The following OPCML variants were observed in gnomAD, a reference collection of about 807,000 sequenced individuals.
OPCML encodes opioid-binding protein/cell adhesion molecule.
A neutral mutation model predicts 37.8 loss-of-function variants in OPCML; 13 were observed. That is an observed-to-expected ratio of 0.34 (90% CI 0.22 to 0.55). OPCML has a LOEUF of 0.55. Among genes scored for constraint, OPCML ranks in the 20% least tolerant of loss-of-function variants. OPCML has a pLI of 0.91. For synonymous variants in OPCML, 176 were observed against 168.8 expected, an observed-to-expected ratio of 1.04 and a Z score of -0.33; for missense variants, 341 against 435.6, an observed-to-expected ratio of 0.78 and a Z score of 1.93.
At chr11:132,977,469 C>T (rs1055316312) in intron 1 of OPCML, among the ~76,000 whole-genome samples, 10 of 152,234 alleles carry the variant, frequency 6.6e-5, no homozygotes, top group Admixed American at 2.0e-4. Flanking sequence ...CTACTCATAT[C>T]GCAGTCACAA....
intron 1 of OPCML, among the ~76,000 whole-genome samples, chr11:133,049,669 A>T (rs559313163): frequency 2.0e-5 from 3 of 152,338 alleles, no homozygotes; most frequent in Admixed American, 6.5e-5. Context: ...AGTGTGATAA[A>T]TATGGGCAGT....
At chr11:133,005,835 CTT>C in intron 1 of OPCML, 5 of 984,894 alleles carry the variant, frequency 5.1e-6, no homozygotes, top group Non-Finnish European at 6.0e-6. Context: ...AGAGGCTGCT[CTT>C]TGCTGCCTAG....
rs572902350 is a variant in OPCML at position 132,574,601 on chromosome 11, C to T, written c.380-45415G>A. Among the ~76,000 whole-genome samples the T allele has an allele frequency of 7.2e-5, 11 of 151,774 alleles. No homozygotes were observed. In the South Asian group the frequency reaches 1.0e-3, roughly 14 times the overall value. On this transcript the variant is annotated intron_variant, in intron 3 of 7. Coordinates refer to ENST00000524381, the MANE Select transcript of OPCML (RefSeq NM_001012393.5). Reference sequence around the variant, plus strand: ...TTCTCCTAATATTAGTTTCCAGTTTCATCTGTTTGTGGTCTGAAAATATAT... The same window carrying T: ...TTCTCCTAATATTAGTTTCCAGTTTTATCTGTTTGTGGTCTGAAAATATAT...
chr11:132,720,064 A>T (rs574423595), intron 2 of OPCML, among the ~76,000 whole-genome samples: 3 of 152,360 alleles, frequency 2.0e-5, no homozygotes, highest in African/African-American at 7.2e-5. Context: ...TGTGCCGGTA[A>T]AATGCTTGCA....
intron 1 of OPCML, among the ~76,000 whole-genome samples, chr11:133,387,463 T>G (rs1193394425): frequency 6.6e-6 from 1 of 152,200 alleles, no homozygotes; most frequent in African/African-American, 2.4e-5. Flanking sequence ...TCACCTAAGA[T>G]TAGACAGCCT....
In OPCML at chr11:132,745,604, GAAAA is replaced by G. The variant is rs896705065; in HGVS notation, c.147-88289_147-88286del. Among the ~76,000 whole-genome samples, 932 of 140,186 alleles carry G rather than the reference GAAAA, an allele frequency of 6.6e-3. 13 individuals are homozygous for G. The highest frequency in any genetic ancestry group is 0.023 in the South Asian group (101 of 4,330). 92.0% of individuals were successfully genotyped at this position (140,186 alleles called of 152,430 possible). A position where few individuals can be genotyped will look rare whatever the true frequency, so the allele number is the denominator to read the frequency against. On this transcript the variant is annotated intron_variant, in intron 2 of 7. Coordinates refer to ENST00000524381, the MANE Select transcript of OPCML (RefSeq NM_001012393.5). ...AAAAAGAAAGAAAGAAAGAAAGAAA[GAAAA>G]AAAAAGGACAATGGTCTTAAGCTTT...
At chr11:132,974,289 A>G (rs1238338847) in intron 1 of OPCML, among the ~76,000 whole-genome samples, 1 of 152,190 alleles carries the variant, frequency 6.6e-6, no homozygotes, top group African/African-American at 2.4e-5. Flanking sequence ...CAAGTATCTC[A>G]AAGAGTTTTC....
chr11:132,560,582 C>A (rs2096408447), intron 3 of OPCML, among the ~76,000 whole-genome samples: 1 of 152,146 alleles, frequency 6.6e-6, no homozygotes, highest in Non-Finnish European at 1.5e-5. Flanking sequence ...GTTTAGCTCC[C>A]ATTTATGAGT....
chr11:133,348,264 C>T (rs1944045926), intron 1 of OPCML, among the ~76,000 whole-genome samples: 1 of 152,162 alleles, frequency 6.6e-6, no homozygotes, highest in African/African-American at 2.4e-5. Context: ...AGCCCAGATG[C>T]CAATTGAATC....
At chr11:132,663,982 G>A (rs1180342518) in intron 2 of OPCML, among the ~76,000 whole-genome samples, 8 of 152,048 alleles carry the variant, frequency 5.3e-5, no homozygotes, top group Admixed American at 5.2e-4. Context: ...ACAGGCGCCC[G>A]CCACCACGCC....
At chr11:132,815,042 T>C (rs934753923) in intron 2 of OPCML, among the ~76,000 whole-genome samples, 4 of 152,212 alleles carry the variant, frequency 2.6e-5, no homozygotes, top group African/African-American at 9.6e-5. Context: ...CTTAGTTTCA[T>C]TTCTTACCTG....
At chr11:132,443,261 G>A (rs2096042785) in intron 4 of OPCML, among the ~76,000 whole-genome samples, 1 of 152,198 alleles carries the variant, frequency 6.6e-6, no homozygotes, top group African/African-American at 2.4e-5. Context: ...AGGGTTTCAG[G>A]AGGCAGCCAC....
intron 1 of OPCML, among the ~76,000 whole-genome samples, chr11:133,109,373 C>A (rs936692248): frequency 6.6e-6 from 1 of 152,078 alleles, no homozygotes; most frequent in Non-Finnish European, 1.5e-5. Flanking sequence ...GGCTTTTATT[C>A]CCTTACTTGT....
intron 2 of OPCML, among the ~76,000 whole-genome samples, chr11:132,658,775 C>T (rs1436182641): frequency 6.6e-6 from 1 of 152,194 alleles, no homozygotes. Context: ...ACAGACCCAT[C>T]TAACCATTCA....
In OPCML at chr11:133,040,845, A is replaced by G. The variant is rs1398223849; in HGVS notation, c.62-97835T>C. On this transcript the variant is annotated intron_variant, in intron 1 of 7. Transcript: ENST00000524381. Reference sequence around the variant, plus strand: ...GAAAGGGTGAAGTACAGGGAAGCACATCAAACACTCGGAGAAGTGGTTTGT... The same window carrying G: ...GAAAGGGTGAAGTACAGGGAAGCACGTCAAACACTCGGAGAAGTGGTTTGT... 2.0e-5 allele frequency among the ~76,000 whole-genome samples: 3 copies of G among 152,302 alleles called. No individual in the cohort carries two copies. The East Asian group carries it at 5.8e-4, about 29-fold the overall frequency.
chr11:133,251,920 A>G (rs1941147812), intron 1 of OPCML, among the ~76,000 whole-genome samples: 1 of 152,202 alleles, frequency 6.6e-6, no homozygotes, highest in Admixed American at 6.5e-5. Flanking sequence ...GGGGTAGGTG[A>G]GTCCCATCCT....
At chr11:133,336,390 T>A (rs1943744488) in intron 1 of OPCML, among the ~76,000 whole-genome samples, 1 of 152,076 alleles carries the variant, frequency 6.6e-6, no homozygotes, top group Non-Finnish European at 1.5e-5. Context: ...ACTCAAGTAG[T>A]AGGATCTAGT....
chr11:132,762,713 C>T (rs1158981360), intron 2 of OPCML, among the ~76,000 whole-genome samples: 5 of 152,146 alleles, frequency 3.3e-5, no homozygotes, highest in African/African-American at 4.8e-5. Context: ...GTGCTGGCAG[C>T]GAAAATTTCA....
intron 1 of OPCML, among the ~76,000 whole-genome samples, chr11:133,485,213 A>C (rs182024192): frequency 6.6e-6 from 1 of 152,230 alleles, no homozygotes; most frequent in East Asian, 1.9e-4. Context: ...AGAAATATAC[A>C]AAAAGCAATA....
Sources: allele counts gnomAD v4.1 joint callset (sites outside exome capture counted in the v4.1 genomes callset), GRCh38; gene constraint gnomAD v4.1.1; transcripts MANE v1.5; gene names NCBI Gene and HGNC (gene_info 2026-07-23, HGNC 2026-07-21).